Variants in RAB27A observed in about 807,000 individuals in gnomAD.
RAB27A encodes ras-related protein Rab-27A.
A neutral mutation model predicts 20.8 loss-of-function variants in RAB27A; 17 were observed. The ratio of observed to expected loss-of-function variants is 0.82; its 90% confidence interval spans 0.56 to 1.23. RAB27A has a LOEUF of 1.23. Ranked by LOEUF, RAB27A falls within the 50% of genes most tolerant of loss-of-function variation. The pLI, the probability that RAB27A is intolerant of heterozygous loss-of-function variation, is 0.00. For missense variants in RAB27A, 277 were observed against 266.7 expected (o/e 1.04, Z -0.27); for synonymous variants, 85 against 92.8 (o/e 0.92, Z 0.48).
At chr15:55,245,880 C>G (rs923010107) in intron 2 of RAB27A, among the ~76,000 whole-genome samples, 1 of 152,070 alleles carries the variant, frequency 6.6e-6, no homozygotes, top group Non-Finnish European at 1.5e-5. Context: ...GAGGCCAAGG[C>G]AGGCAGATCA....
At chr15:55,246,257 A>C (rs1896680379) in intron 2 of RAB27A, among the ~76,000 whole-genome samples, 1 of 152,138 alleles carries the variant, frequency 6.6e-6, no homozygotes, top group African/African-American at 2.4e-5. Flanking sequence ...AAATCCATCA[A>C]CTATTTCTGA....
At chr15:55,229,720 A>G (rs1895957970) in intron 4 of RAB27A, among the ~76,000 whole-genome samples, 1 of 152,136 alleles carries the variant, frequency 6.6e-6, no homozygotes, top group South Asian at 2.1e-4. Flanking sequence ...CACAAGTATT[A>G]AAAATGAAAT....
intron 3 of RAB27A, among the ~76,000 whole-genome samples, chr15:55,231,347 T>G (rs1346225539): frequency 2.6e-5 from 4 of 152,118 alleles, no homozygotes; most frequent in Admixed American, 2.6e-4. Flanking sequence ...AAAGTGCTCT[T>G]AAAAGAATTT....
intron 6 of RAB27A, among the ~76,000 whole-genome samples, chr15:55,214,347 G>A (rs7181669): frequency 0.33 from 49,946 of 152,024 alleles, 11,788 homozygotes; most frequent in African/African-American, 0.67. Flanking sequence ...GAGGCAGGAG[G>A]ATGGCATGAA....
At chr15:55,227,896 C>T (rs977043621) in intron 5 of RAB27A, among the ~76,000 whole-genome samples, 4 of 152,072 alleles carry the variant, frequency 2.6e-5, no homozygotes, top group African/African-American at 7.2e-5. Context: ...TACAGCCTTC[C>T]CTAATAGATT....
chr15:55,255,987 G>A (rs1897064597), intron 2 of RAB27A, among the ~76,000 whole-genome samples: 1 of 152,078 alleles, frequency 6.6e-6, no homozygotes, highest in Admixed American at 6.5e-5. Context: ...CCTCAATATG[G>A]GAATATTTAT....
At chr15:55,243,015 A>G (rs1798539671) in intron 2 of RAB27A, among the ~76,000 whole-genome samples, 1 of 152,176 alleles carries the variant, frequency 6.6e-6, no homozygotes, top group African/African-American at 2.4e-5. Context: ...GCCAGCAGTT[A>G]TAGCAGTGAT....
chr15:55,271,564 C>A (rs923829774), intron 1 of RAB27A, among the ~76,000 whole-genome samples: 1 of 152,244 alleles, frequency 6.6e-6, no homozygotes, highest in South Asian at 2.1e-4. Context: ...GCTGGATACA[C>A]CTTCCCTGTG....
chr15:55,224,071 G>T, intron 5 of RAB27A, 59 bp from the exon 6 acceptor site: 1 of 1,350,310 alleles, frequency 7.4e-7, no homozygotes, highest in Non-Finnish European at 1.0e-6. Flanking sequence ...TATGATCAGT[G>T]AACAATACAT....
intron 1 of RAB27A, among the ~76,000 whole-genome samples, chr15:55,273,963 G>A (rs762665119): frequency 3.3e-5 from 5 of 152,114 alleles, no homozygotes; most frequent in African/African-American, 4.8e-5. Context: ...TCAAGCGCAC[G>A]TGGAATATTC....
At chr15:55,239,365 A>G (rs1363514262) in intron 2 of RAB27A, among the ~76,000 whole-genome samples, 1 of 152,198 alleles carries the variant, frequency 6.6e-6, no homozygotes, top group Non-Finnish European at 1.5e-5. Flanking sequence ...AAGCAACAAA[A>G]ACAACAGTTT....
At chr15:55,291,833 G>A (rs933781511), upstream of RAB27A, among the ~76,000 whole-genome samples, 6 of 152,164 alleles carry the variant, frequency 3.9e-5, no homozygotes, top group Admixed American at 1.3e-4. Context: ...GGTCCCTGAC[G>A]TCAGGACTTA....
In RAB27A at chr15:55,255,834, G is replaced by C. The variant is rs1897058497; in HGVS notation, c.-23+14331C>G. Among the ~76,000 whole-genome samples the C allele has an allele frequency of 2.0e-5, 3 of 152,090 alleles. No individual in the cohort carries two copies. In the South Asian group the frequency reaches 6.2e-4, roughly 32 times the overall value. Reference sequence around the variant, plus strand: ...ACGGATAAGACAATATTATCAGGGAGAAAAACGTCTGGTACACCATGTGCA... The same window carrying C: ...ACGGATAAGACAATATTATCAGGGACAAAAACGTCTGGTACACCATGTGCA... On this transcript the variant is annotated intron_variant, in intron 2 of 6. Coordinates refer to ENST00000336787, the MANE Select transcript of RAB27A (RefSeq NM_183235.3).
intron 2 of RAB27A, among the ~76,000 whole-genome samples, chr15:55,268,133 C>T (rs1273571388): frequency 6.6e-6 from 1 of 151,770 alleles, no homozygotes; most frequent in Non-Finnish European, 1.5e-5. Context: ...TGAATAAACA[C>T]TCATCCCCAA....
intron 2 of RAB27A, among the ~76,000 whole-genome samples, chr15:55,236,270 G>A (rs1415587624): frequency 6.6e-6 from 1 of 152,042 alleles, no homozygotes; most frequent in Non-Finnish European, 1.5e-5. Context: ...ATTTTCACAT[G>A]TTATTACGGT....
At chr15:55,304,807 A>G (rs895418228) in intron 2 of RAB27A, among the ~76,000 whole-genome samples, 2 of 152,064 alleles carry the variant, frequency 1.3e-5, no homozygotes, top group Non-Finnish European at 2.9e-5. Flanking sequence ...TGTGATGAAC[A>G]TTCATTTACC....
At chr15:55,296,581 AAAATGACAGTGACATGC>A (rs2054950489) in intron 2 of RAB27A, among the ~76,000 whole-genome samples, 1 of 152,258 alleles carries the variant, frequency 6.6e-6, no homozygotes, top group African/African-American at 2.4e-5. Context: ...GAGTGCTCAG[AAAATGACAGTGACATGC>A]AAAGGACACA....
At chr15:55,241,628 G>GTATA (rs1566915393) in intron 2 of RAB27A, among the ~76,000 whole-genome samples, 9 of 118,296 alleles carry the variant, frequency 7.6e-5, no homozygotes, top group African/African-American at 5.5e-4. Flanking sequence ...ATATATATGT[G>GTATA]TGTATATATA....
chr15:55,292,513 G>C (rs1370694126), upstream of RAB27A, among the ~76,000 whole-genome samples: 1 of 152,226 alleles, frequency 6.6e-6, no homozygotes, highest in Non-Finnish European at 1.5e-5. Context: ...GGACATATTT[G>C]ACATATTTAG....
Sources: allele counts gnomAD v4.1 joint callset (sites outside exome capture counted in the v4.1 genomes callset), GRCh38; gene constraint gnomAD v4.1.1; transcripts MANE v1.5; gene names NCBI Gene and HGNC (gene_info 2026-07-23, HGNC 2026-07-21).